CPNE4: variants seen among roughly 807,000 people sequenced by gnomAD.
CPNE4 encodes copine 4, also known as copine-4.
In CPNE4, 25 loss-of-function variants were observed where a neutral mutation model predicts 67.9. That is an observed-to-expected ratio of 0.37 (90% confidence interval 0.27 to 0.51). The LOEUF (loss-of-function observed/expected upper bound fraction) is 0.51. CPNE4 is among the 20% of genes least tolerant of loss of function. CPNE4 has a pLI of 0.93. For missense variants in CPNE4, 464 were observed against 690.8 expected (o/e 0.67, Z 3.68); for synonymous variants, 242 against 244.9 (o/e 0.99, Z 0.11).
chr3:131,879,619 G>A (rs137930926), intron 2 of CPNE4, among the ~76,000 whole-genome samples: 161 of 151,886 alleles, frequency 1.1e-3, no homozygotes, highest in Middle Eastern at 3.4e-3. Flanking sequence ...AAAGCCCATC[G>A]GCCCCCTATG....
At chr3:131,612,041 C>A (rs1939872644) in intron 7 of CPNE4, among the ~76,000 whole-genome samples, 1 of 152,188 alleles carries the variant, frequency 6.6e-6, no homozygotes, top group East Asian at 1.9e-4. Flanking sequence ...TTTTGTGTGA[C>A]CAAAAGGAAG....
intron 15 of CPNE4, chr3:131,537,690 G>T: frequency 4.7e-6 from 1 of 211,038 alleles, no homozygotes; most frequent in Non-Finnish European, 9.8e-6. Context: ...GACACAGTTG[G>T]CCCTATGTCC....
At chr3:131,558,998 C>T (rs1328456708) in intron 11 of CPNE4, among the ~76,000 whole-genome samples, 3 of 151,904 alleles carry the variant, frequency 2.0e-5, no homozygotes, top group African/African-American at 7.2e-5. Flanking sequence ...TCTCTTTTAC[C>T]TATTCTGAAT....
chr3:131,637,687 A>C (rs538361975), intron 7 of CPNE4, among the ~76,000 whole-genome samples: 1 of 152,346 alleles, frequency 6.6e-6, no homozygotes, highest in Admixed American at 6.5e-5. Flanking sequence ...AAGAAACTCA[A>C]CACCTGGGAA....
intron 2 of CPNE4, among the ~76,000 whole-genome samples, chr3:131,774,254 C>T (rs914537726): frequency 1.3e-5 from 2 of 151,698 alleles, no homozygotes; most frequent in East Asian, 1.9e-4. Flanking sequence ...AGATGAGGCT[C>T]TATCTAGTTC....
At chr3:131,933,462 G>C (rs2071129879) in intron 1 of CPNE4, among the ~76,000 whole-genome samples, 1 of 152,152 alleles carries the variant, frequency 6.6e-6, no homozygotes, top group Non-Finnish European at 1.5e-5. Context: ...ATGGAAAATG[G>C]TATGGAAGTT....
chr3:131,671,265 C>T (rs559086481), intron 6 of CPNE4, among the ~76,000 whole-genome samples: 1 of 152,136 alleles, frequency 6.6e-6, no homozygotes, highest in East Asian at 1.9e-4. Context: ...TTCTAGTACA[C>T]TTAGGATGAT....
intron 14 of CPNE4, among the ~76,000 whole-genome samples, chr3:131,548,613 G>A (rs1423182373): frequency 1.3e-5 from 2 of 152,040 alleles, no homozygotes; most frequent in Non-Finnish European, 2.9e-5. Flanking sequence ...CCCTGGCAGG[G>A]GAACAGTAAG....
chr3:131,704,154 C>T (rs1379689314), intron 3 of CPNE4, among the ~76,000 whole-genome samples: 1 of 152,110 alleles, frequency 6.6e-6, no homozygotes. Context: ...CTAAGGTTTC[C>T]TGGTCTCTCA....
chr3:131,643,656 C>T (rs1289304978), intron 7 of CPNE4, among the ~76,000 whole-genome samples: 1 of 152,140 alleles, frequency 6.6e-6, no homozygotes, highest in Non-Finnish European at 1.5e-5. Flanking sequence ...TGTTGCCACT[C>T]AAATCTCATT....
At chr3:131,542,445 G>A (rs950745380) in intron 15 of CPNE4, 112 bp downstream of exon 15, 2 of 784,180 alleles carry the variant, frequency 2.6e-6, no homozygotes, top group Non-Finnish European at 4.5e-6. Flanking sequence ...AGCATAGCTG[G>A]TGTTGCTTCA....
intron 2 of CPNE4, among the ~76,000 whole-genome samples, chr3:131,861,792 G>T (rs1197005992): frequency 6.6e-6 from 1 of 152,132 alleles, no homozygotes; most frequent in Non-Finnish European, 1.5e-5. Flanking sequence ...TTAGACTTGA[G>T]AACACTAATG....
At chr3:131,548,278 T>C (rs1289995392) in intron 14 of CPNE4, among the ~76,000 whole-genome samples, 1 of 152,150 alleles carries the variant, frequency 6.6e-6, no homozygotes, top group Non-Finnish European at 1.5e-5. Context: ...TGGCTTTATA[T>C]GCGTTCTTTA....
chr3:131,688,072 G>A (rs184139004), intron 5 of CPNE4, among the ~76,000 whole-genome samples: 1 of 152,184 alleles, frequency 6.6e-6, no homozygotes, highest in African/African-American at 2.4e-5. Flanking sequence ...GAGGCAGGGG[G>A]AATCATTGAA....
chr3:131,828,146 C>T lies in CPNE4; in HGVS notation c.180+77118G>A, dbSNP rs569248102. Among the ~76,000 whole-genome samples, 268 of 150,918 alleles carry T rather than the reference C, an allele frequency of 1.8e-3. 2 individuals are homozygous for T. The highest frequency in any genetic ancestry group is 6.3e-3 in the African/African-American group (255 of 40,316). Reference sequence around the variant, plus strand: ...TTTATTTAATGTAATTTTCTGATTGCTCAATACTTAAATTTTATTCCCCTC... The same window carrying T: ...TTTATTTAATGTAATTTTCTGATTGTTCAATACTTAAATTTTATTCCCCTC... On this transcript the variant is annotated intron_variant, in intron 2 of 15. Coordinates refer to ENST00000429747, the MANE Select transcript of CPNE4 (RefSeq NM_130808.3).
intron 1 of CPNE4, among the ~76,000 whole-genome samples, chr3:132,006,227 A>C (rs2073602705): frequency 6.6e-6 from 1 of 152,164 alleles, no homozygotes; most frequent in Non-Finnish European, 1.5e-5. Flanking sequence ...AAGCATGGCT[A>C]TGCAGGAGTC....
At chr3:132,004,133 A>C (rs928279424) in intron 1 of CPNE4, among the ~76,000 whole-genome samples, 10 of 152,104 alleles carry the variant, frequency 6.6e-5, no homozygotes, top group African/African-American at 2.4e-4. Context: ...GCAGGTAAGT[A>C]ATCTAAAATG....
intron 3 of CPNE4, among the ~76,000 whole-genome samples, chr3:131,711,591 T>G (rs2107723461): frequency 6.6e-6 from 1 of 152,296 alleles, no homozygotes; most frequent in South Asian, 2.1e-4. Context: ...TGCTGACCTG[T>G]GCTCACATGG....
At chr3:131,858,103 T>TCAAACTTC in intron 2 of CPNE4, among the ~76,000 whole-genome samples, 1 of 152,118 alleles carries the variant, frequency 6.6e-6, no homozygotes, top group Middle Eastern at 3.2e-3. Flanking sequence ...TTTACACAAT[T>TCAAACTTC]ATATCTTCAA....
Sources: allele counts gnomAD v4.1 joint callset (sites outside exome capture counted in the v4.1 genomes callset), GRCh38; gene constraint gnomAD v4.1.1; transcripts MANE v1.5; gene names NCBI Gene and HGNC (gene_info 2026-07-23, HGNC 2026-07-21).